Variants in PIGK observed in about 807,000 individuals in gnomAD.
The protein encoded by PIGK is phosphatidylinositol glycan anchor biosynthesis class K, also known as GPI-anchor transamidase.
In PIGK, 42 loss-of-function variants were observed where a neutral mutation model predicts 50.6. The ratio of observed to expected loss-of-function variants is 0.83; its 90% CI spans 0.65 to 1.07. The LOEUF is 1.07. Ranked by LOEUF, PIGK falls within the 50% of genes least tolerant of loss-of-function variation. PIGK has a pLI of 0.00. For synonymous variants in PIGK, 151 were observed against 156.0 expected (o/e 0.97, Z 0.24); for missense variants, 448 against 488.7 (o/e 0.92, Z 0.78).
At chr1:77,110,218 T>A (rs1325438298) in intron 10 of PIGK, among the ~76,000 whole-genome samples, 1 of 152,168 alleles carries the variant, frequency 6.6e-6, no homozygotes, top group East Asian at 1.9e-4. Flanking sequence ...GCCATCCCCA[T>A]CAAGTGCCAA....
intron 10 of PIGK, among the ~76,000 whole-genome samples, chr1:77,100,794 G>A (rs935283458): frequency 2.6e-5 from 4 of 152,132 alleles, no homozygotes; most frequent in Admixed American, 6.5e-5. Flanking sequence ...AGAATCAAGC[G>A]GCCGTGTTGT....
chr1:77,218,104 G>A (rs1426875539), intron 1 of PIGK, among the ~76,000 whole-genome samples: 2 of 152,140 alleles, frequency 1.3e-5, no homozygotes, highest in Non-Finnish European at 2.9e-5. Context: ...TATTCAAAAA[G>A]TTTGGAGTCC....
chr1:77,160,611 T>C (rs915152887), intron 8 of PIGK, among the ~76,000 whole-genome samples: 19 of 152,144 alleles, frequency 1.2e-4, no homozygotes. Flanking sequence ...TATAAATTAA[T>C]GGAGAAAAGA....
chr1:77,202,109 A>C (rs1375913626), intron 3 of PIGK, among the ~76,000 whole-genome samples: 1 of 152,094 alleles, frequency 6.6e-6, no homozygotes, highest in Non-Finnish European at 1.5e-5. Flanking sequence ...CTGTTAGCTC[A>C]GTGGGGGTTG....
chr1:77,177,654 C>T (rs1655517737), intron 3 of PIGK, among the ~76,000 whole-genome samples: 1 of 152,178 alleles, frequency 6.6e-6, no homozygotes, highest in Non-Finnish European at 1.5e-5. Flanking sequence ...TTTCCCACTC[C>T]ACACCTCTAT....
intron 3 of PIGK, chr1:77,195,137 T>C: frequency 8.2e-7 from 1 of 1,221,778 alleles, no homozygotes. Context: ...GATTCAGAGT[T>C]CATGAATATC....
At chr1:77,123,973 A>G (rs1418672719) in intron 9 of PIGK, among the ~76,000 whole-genome samples, 1 of 151,888 alleles carries the variant, frequency 6.6e-6, no homozygotes, top group Non-Finnish European at 1.5e-5. Context: ...TGGTATCTTT[A>G]TAAGAGGAGG....
At chr1:77,159,212 C>T (rs1655080866) in intron 8 of PIGK, among the ~76,000 whole-genome samples, 1 of 152,126 alleles carries the variant, frequency 6.6e-6, no homozygotes, top group African/African-American at 2.4e-5. Flanking sequence ...CAAGCCTGGG[C>T]AGCTTACACA....
intron 4 of PIGK, 100 bp from the exon 5 acceptor site, chr1:77,166,930 A>T (rs1655248075): frequency 1.5e-6 from 1 of 668,090 alleles, no homozygotes; most frequent in Non-Finnish European, 2.6e-6. Context: ...CTTTCTCCAT[A>T]TATTACTCAG....
At chr1:77,140,989 A>G (rs1654637711) in intron 9 of PIGK, among the ~76,000 whole-genome samples, 2 of 152,218 alleles carry the variant, frequency 1.3e-5, no homozygotes, top group Admixed American at 1.3e-4. Flanking sequence ...ATTGCTATAA[A>G]GCATGCAATC....
At position 77,218,890 on chromosome 1, in the gene PIGK, C is replaced by T. The variant is rs529438932; in HGVS notation, c.93+420G>A. On this transcript the variant is annotated intron_variant, in intron 1 of 10. Coordinates refer to ENST00000370812, the MANE Select transcript of PIGK (RefSeq NM_005482.3). ...TTTTAATAAACACTTATATTTATCC[C>T]ATGTTCTAATTATCACTAAATTCTA... Among the ~76,000 whole-genome samples the T allele has an allele frequency of 1.5e-3, 221 of 152,254 alleles. 1 individual carries two copies. Among genetic ancestry groups the T allele is most frequent in the Non-Finnish European group, 2.8e-3 (191 of 68,024 alleles).
chr1:77,200,817 C>A (rs1057303824), intron 3 of PIGK, among the ~76,000 whole-genome samples: 32 of 152,140 alleles, frequency 2.1e-4, no homozygotes, highest in African/African-American at 7.5e-4. Context: ...CCACTCTGAG[C>A]AACCATTTTT....
intron 3 of PIGK, among the ~76,000 whole-genome samples, chr1:77,173,532 C>T (rs1303495427): frequency 6.6e-6 from 1 of 152,164 alleles, no homozygotes; most frequent in Non-Finnish European, 1.5e-5. Context: ...CCTGACAAGC[C>T]AGCAAAAGGG....
In PIGK at chr1:77,090,375, A is replaced by ATT. The variant is rs1653268760; in HGVS notation, c.*1997_*1998dup. The ATT allele has an allele frequency of 6.6e-6, 1 of 152,224 alleles. No individual in the cohort carries two copies. The highest frequency in any genetic ancestry group is 6.5e-5 in the Admixed American group (1 of 15,280). The allele number at this position is 152,224 out of a possible 1,614,324, so 9.4% of individuals were successfully genotyped here. On this transcript the variant is annotated 3_prime_UTR_variant, in exon 11 of 11. Coordinates refer to ENST00000370812, the MANE Select transcript of PIGK (RefSeq NM_005482.3). ...TGGTTATAAGTGAAACATTTAACATATTTTAAGCTTTTGGCTTTAACTATA... is the reference window on the plus strand; with the variant it reads ...TGGTTATAAGTGAAACATTTAACATATTTTTTAAGCTTTTGGCTTTAACTATA...
intron 10 of PIGK, among the ~76,000 whole-genome samples, chr1:77,112,130 G>A (rs1159022196): frequency 2.0e-5 from 3 of 151,632 alleles, no homozygotes; most frequent in African/African-American, 7.3e-5. Context: ...TAAAATGAAA[G>A]TTAACTGTGA....
intron 8 of PIGK, among the ~76,000 whole-genome samples, chr1:77,156,944 A>C (rs1221523775): frequency 6.6e-6 from 1 of 152,220 alleles, no homozygotes; most frequent in Admixed American, 6.5e-5. Context: ...AAACAATTAC[A>C]GTGCAATACT....
chr1:77,210,732 T>A (rs1449670912), intron 1 of PIGK, among the ~76,000 whole-genome samples: 2 of 152,038 alleles, frequency 1.3e-5, no homozygotes, highest in Admixed American at 1.3e-4. Flanking sequence ...CATTCTTGGC[T>A]TAGACACCAA....
intron 9 of PIGK, among the ~76,000 whole-genome samples, chr1:77,134,683 C>T (rs753263823): frequency 4.1e-5 from 6 of 145,348 alleles, no homozygotes; most frequent in Non-Finnish European, 9.1e-5. Flanking sequence ...GATTCTCAGT[C>T]CTCATTGCTT....
intron 6 of PIGK, among the ~76,000 whole-genome samples, chr1:77,163,124 G>A (rs1340196589): frequency 6.6e-6 from 1 of 152,096 alleles, no homozygotes; most frequent in Non-Finnish European, 1.5e-5. Flanking sequence ...CATAATCAGT[G>A]CCTAGTAAAA....
Sources: allele counts gnomAD v4.1 joint callset (sites outside exome capture counted in the v4.1 genomes callset), GRCh38; gene constraint gnomAD v4.1.1; transcripts MANE v1.5; gene names NCBI Gene and HGNC (gene_info 2026-07-23, HGNC 2026-07-21).